NKX2-2: variants seen among roughly 807,000 people sequenced by gnomAD.
NKX2-2 encodes homeobox protein Nkx-2.2.
A neutral mutation model predicts 24.6 loss-of-function variants in NKX2-2; 8 were observed. The ratio of observed to expected loss-of-function variants is 0.32; its 90% CI spans 0.19 to 0.59. NKX2-2 has a LOEUF of 0.59. NKX2-2 is among the 20% of genes least tolerant of loss of function. The pLI is 0.86. For missense variants in NKX2-2, 381 were observed against 373.9 expected, an observed-to-expected ratio of 1.02 and a Z score of -0.16; for synonymous variants, 217 against 173.3, an observed-to-expected ratio of 1.25 and a Z score of -1.98.
chr20:21,517,726 C>A (rs971587220), upstream of NKX2-2, among the ~76,000 whole-genome samples: 7 of 152,188 alleles, frequency 4.6e-5, no homozygotes, highest in Admixed American at 4.6e-4. Context: ...AGCCTAGGGG[C>A]CAGGCGCCAA....
chr20:21,522,430 G>T, the NKX2-2 span, among the ~76,000 whole-genome samples: 1 of 152,112 alleles, frequency 6.6e-6, no homozygotes, highest in Non-Finnish European at 1.5e-5. Context: ...GACAGTCAGC[G>T]CCTGGCAGCG....
At position 21,513,561 on chromosome 20, in the gene NKX2-2, C is replaced by G. The variant is rs534861730; in HGVS notation, c.109G>C (p.Glu37Gln). The G allele has an allele frequency of 8.1e-6, 13 of 1,613,466 alleles. No homozygotes were observed. The highest frequency in any genetic ancestry group is 2.2e-5 in the South Asian group (2 of 90,972). Residue 37 changes from glutamate to glutamine, a missense_variant, in exon 1 of 2, where the codon GAG (glutamate) becomes CAG (glutamine). Around this residue, in one of 3 missense-constraint regions of NKX2-2, gnomAD observed 206 missense variants for 173.1 expected, o/e 1.19. Transcript: ENST00000377142. This position sits in a 1 kb window ranked among gnomAD's most constrained non-coding sequence, Gnocchi z 4.6. ...GCCCTCTTGGCTGGCTCGGGCCCCTCGTTCTCTTCCTCCGGACCTTCGGCC... is the reference window on the plus strand; with the variant it reads ...GCCCTCTTGGCTGGCTCGGGCCCCTGGTTCTCTTCCTCCGGACCTTCGGCC... ...SVAEGPEEEN[E>Q]GPEPAKRAGP...
chr20:21,518,878 G>C (rs564618255), upstream of NKX2-2, among the ~76,000 whole-genome samples: 4 of 152,304 alleles, frequency 2.6e-5, no homozygotes, highest in South Asian at 8.3e-4. Context: ...GACGGCATCC[G>C]ACCCTCCCCC....
Position 21,513,260 on chromosome 20 carries a change from C to T in NKX2-2, c.259+151G>A. On this transcript the variant is annotated intron_variant, in intron 1 of 1. Transcript: ENST00000377142. This position sits in a 1 kb window ranked among gnomAD's most constrained non-coding sequence, Gnocchi z 4.6. ...CTTGAAGAGGAGGGCAGAGGACATCCTATACAGGTGTTAAAAATCTTTCTA... is the reference window on the plus strand; with the variant it reads ...CTTGAAGAGGAGGGCAGAGGACATCTTATACAGGTGTTAAAAATCTTTCTA... 1 of 795,398 alleles carries T rather than the reference C, an allele frequency of 1.3e-6. No individual in the cohort carries two copies. 49.3% of individuals were successfully genotyped at this position (795,398 alleles called of 1,614,324 possible).
chr20:21,511,918 G>A lies in NKX2-2; in HGVS notation c.*5C>T. On this transcript the variant is annotated 3_prime_UTR_variant, in exon 2 of 2. Coordinates refer to ENST00000377142, the MANE Select transcript of NKX2-2 (RefSeq NM_002509.4). ...CTGGGGCCGCGAGTCTCGTTGGGGC[G>A]GCGCTCACCAAGTCCACTGCTGGGC... 1.3e-6 allele frequency: 2 copies of A among 1,568,310 alleles called. No individual in the cohort carries two copies. Among genetic ancestry groups the A allele is most frequent in the East Asian group, 2.3e-5 (1 of 44,300 alleles).
the NKX2-2 span, among the ~76,000 whole-genome samples, chr20:21,520,865 G>T: frequency 6.6e-6 from 1 of 152,206 alleles, no homozygotes; most frequent in Non-Finnish European, 1.5e-5. Context: ...CCGGATGAGG[G>T]CGATTTCAAT....
chr20:21,522,610 A>G, the NKX2-2 span, among the ~76,000 whole-genome samples: 2 of 151,888 alleles, frequency 1.3e-5, no homozygotes, highest in African/African-American at 4.8e-5. Context: ...GCGAGCGCGC[A>G]GGTCCCGGCC....
At chr20:21,517,044 C>T (rs562511754), upstream of NKX2-2, among the ~76,000 whole-genome samples, 15 of 152,348 alleles carry the variant, frequency 9.8e-5, no homozygotes, top group East Asian at 2.5e-3. Flanking sequence ...GGATTGCTTT[C>T]CTAGGGGAAT....
chr20:21,514,192 G>A (rs1197367964), upstream of NKX2-2, among the ~76,000 whole-genome samples: 1 of 152,066 alleles, frequency 6.6e-6, no homozygotes, highest in Non-Finnish European at 1.5e-5. Flanking sequence ...GAGAGAGGGA[G>A]CGGGAGAAGG....
chr20:21,520,256 C>A, the NKX2-2 span, among the ~76,000 whole-genome samples: 1,969 of 152,174 alleles, frequency 0.013, 40 homozygotes, highest in African/African-American at 0.045. Flanking sequence ...AGCCTGGAGT[C>A]CCCCTGCGAT....
At chr20:21,519,560 C>A in the NKX2-2 span, among the ~76,000 whole-genome samples, 1 of 152,278 alleles carries the variant, frequency 6.6e-6, no homozygotes, top group African/African-American at 2.4e-5. Flanking sequence ...AAGACGTTCA[C>A]CTTAAGGATG....
At position 21,511,097 on chromosome 20, in the gene NKX2-2, G is replaced by C. The variant is rs561749471; in HGVS notation, c.*826C>G. 10 of 152,764 alleles carry C rather than the reference G, an allele frequency of 6.5e-5. No individual in the cohort carries two copies. Among genetic ancestry groups the C allele is most frequent in the African/African-American group, 2.2e-4 (9 of 41,586 alleles). The allele number at this position is 152,764 out of a possible 1,614,324, so 9.5% of individuals were successfully genotyped here. A position where few individuals can be genotyped will look rare whatever the true frequency, so the allele number is the denominator to read the frequency against. ...AAGCTTTCTGCGCCCGGCGCTGTTG[G>C]GGAACCGCGCCGAATAGCTGAGCTC... is the stretch of plus-strand genomic sequence containing the variant. On this transcript the variant is annotated 3_prime_UTR_variant, in exon 2 of 2. Transcript: ENST00000377142.
chr20:21,515,723 A>T (rs538752372), upstream of NKX2-2, among the ~76,000 whole-genome samples: 42 of 152,100 alleles, frequency 2.8e-4, no homozygotes, highest in Non-Finnish European at 5.1e-4. Context: ...GTCCAGGTCT[A>T]GTCTTCCCAC....
chr20:21,512,499 G>A lies in NKX2-2; in HGVS notation c.260-14C>T. 1 of 1,534,612 alleles carries A rather than the reference G, an allele frequency of 6.5e-7. No homozygotes were observed. Among genetic ancestry groups the A allele is most frequent in the Non-Finnish European group, 8.7e-7 (1 of 1,147,576 alleles). On this transcript the variant is annotated splice_polypyrimidine_tract_variant and intron_variant, in intron 1 of 1. Transcript: ENST00000377142. Reference sequence around the variant, plus strand: ...CCAGACCGTGCACTGGGGGGAGGGGGAGAGAGAAGCGCGTCAGGCGTCTGG... The same window carrying A: ...CCAGACCGTGCACTGGGGGGAGGGGAAGAGAGAAGCGCGTCAGGCGTCTGG...
upstream of NKX2-2, among the ~76,000 whole-genome samples, chr20:21,517,478 C>G (rs1474221867): frequency 6.6e-6 from 1 of 152,232 alleles, no homozygotes; most frequent in South Asian, 2.1e-4. Context: ...GTTCCCGCGT[C>G]CATTTCCAGA....
chr20:21,520,702 C>T, the NKX2-2 span, among the ~76,000 whole-genome samples: 1 of 151,992 alleles, frequency 6.6e-6, no homozygotes, highest in Admixed American at 6.5e-5. Flanking sequence ...TCCATTATCA[C>T]CGGTTTATTG....
upstream of NKX2-2, among the ~76,000 whole-genome samples, chr20:21,516,868 A>C (rs574508472): frequency 4.6e-5 from 7 of 152,236 alleles, no homozygotes; most frequent in East Asian, 1.4e-3. Flanking sequence ...TCATTTCTTC[A>C]GCTGGGAACC....
chr20:21,512,710 G>A (rs1980486183), intron 1 of NKX2-2, among the ~76,000 whole-genome samples: 1 of 152,086 alleles, frequency 6.6e-6, no homozygotes, highest in Non-Finnish European at 1.5e-5. Context: ...CTAGGGGCTC[G>A]CCTTTCAAGG....
At chr20:21,519,683 C>T in the NKX2-2 span, among the ~76,000 whole-genome samples, 1 of 152,182 alleles carries the variant, frequency 6.6e-6, no homozygotes, top group East Asian at 1.9e-4. Flanking sequence ...GGGAATGCAC[C>T]CCAGGAGTAC....
Sources: allele counts gnomAD v4.1 joint callset (sites outside exome capture counted in the v4.1 genomes callset), GRCh38; gene constraint gnomAD v4.1.1; regional missense constraint gnomAD v4.1.1; non-coding constraint Gnocchi (gnomAD v3.1); transcripts MANE v1.5; gene names NCBI Gene and HGNC (gene_info 2026-07-23, HGNC 2026-07-21).